Variants in LAPTM4B observed in about 807,000 individuals in gnomAD.
LAPTM4B encodes the protein lysosomal-associated transmembrane protein 4B.
LAPTM4B carries 26 observed loss-of-function variants against 28.5 expected under a neutral mutation model. The observed-to-expected ratio is 0.91, with a 90% CI of 0.67 to 1.27. LAPTM4B has a LOEUF of 1.27. Ranked by LOEUF, LAPTM4B falls within the 50% of genes most tolerant of loss-of-function variation. The pLI, the probability that LAPTM4B is intolerant of heterozygous loss-of-function variation, is 0.00. For synonymous variants in LAPTM4B, 109 were observed against 106.4 expected, an observed-to-expected ratio of 1.02 and a Z score of -0.15; for missense variants, 288 against 285.8, an observed-to-expected ratio of 1.01 and a Z score of -0.06.
chr8:97,818,570 C>G (rs868199031), intron 4 of LAPTM4B, among the ~76,000 whole-genome samples: 14 of 152,188 alleles, frequency 9.2e-5, no homozygotes, highest in South Asian at 4.1e-4. Flanking sequence ...TATTTCCCCC[C>G]ACCCTGGAAG....
chr8:97,823,889 G>A (rs927160724), intron 5 of LAPTM4B, among the ~76,000 whole-genome samples: 55 of 151,654 alleles, frequency 3.6e-4, no homozygotes, highest in African/African-American at 1.3e-3. Flanking sequence ...AGTAGAGATG[G>A]AGTTTCACTG....
chr8:97,841,528 A>G (rs1817349433), intron 6 of LAPTM4B, among the ~76,000 whole-genome samples: 1 of 152,206 alleles, frequency 6.6e-6, no homozygotes, highest in African/African-American at 2.4e-5. Flanking sequence ...GGGTTTCACC[A>G]TGTTGGCTAG....
intron 4 of LAPTM4B, among the ~76,000 whole-genome samples, chr8:97,817,708 C>T (rs1043972407): frequency 6.6e-6 from 1 of 151,932 alleles, no homozygotes; most frequent in Non-Finnish European, 1.5e-5. Context: ...CATCGGCCTC[C>T]CAGAGTGCTA....
At chr8:97,793,720 T>C (rs1183937073) in intron 1 of LAPTM4B, among the ~76,000 whole-genome samples, 1 of 152,140 alleles carries the variant, frequency 6.6e-6, no homozygotes, top group Non-Finnish European at 1.5e-5. Flanking sequence ...AATGTGAAAA[T>C]AATAATAAAA....
chr8:97,788,775 A>T (rs1291098213), intron 1 of LAPTM4B, among the ~76,000 whole-genome samples: 1 of 151,010 alleles, frequency 6.6e-6, no homozygotes. Context: ...GCTCACTGCA[A>T]CCTCCACCTC....
chr8:97,811,864 A>G (rs1393626355), intron 2 of LAPTM4B, among the ~76,000 whole-genome samples: 1 of 151,720 alleles, frequency 6.6e-6, no homozygotes, highest in African/African-American at 2.4e-5. Context: ...GGAGTACAGT[A>G]GCACAATCTT....
chr8:97,788,505 C>T, intron 1 of LAPTM4B: 1 of 185,668 alleles, frequency 5.4e-6, no homozygotes, highest in Non-Finnish European at 1.1e-5. Flanking sequence ...GCCTTGGCCT[C>T]CCAGAAGTGC....
At chr8:97,843,513 C>T (rs188172745) in intron 6 of LAPTM4B, among the ~76,000 whole-genome samples, 2 of 152,300 alleles carry the variant, frequency 1.3e-5, no homozygotes, top group East Asian at 1.9e-4. Context: ...CACAGTGGCT[C>T]ACACCTGTAA....
chr8:97,807,755 A>G (rs1311871886), intron 2 of LAPTM4B, among the ~76,000 whole-genome samples: 1 of 152,146 alleles, frequency 6.6e-6, no homozygotes, highest in East Asian at 1.9e-4. Context: ...AGGAGGAAGA[A>G]TGAGAGAGTA....
At chr8:97,835,893 G>T (rs1023909110) in intron 6 of LAPTM4B, among the ~76,000 whole-genome samples, 41 of 149,400 alleles carry the variant, frequency 2.7e-4, no homozygotes, top group South Asian at 8.4e-4. Context: ...GCGGGCGCGG[G>T]CAAGCAAGCA....
intron 1 of LAPTM4B, among the ~76,000 whole-genome samples, chr8:97,801,269 C>CCG (rs1217596739): frequency 1.3e-5 from 2 of 151,690 alleles, no homozygotes; most frequent in Non-Finnish European, 2.9e-5. Context: ...ATCTCCGCCC[C>CCG]CCACTGGGTT....
chr8:97,841,622 C>T (rs1219725470), intron 6 of LAPTM4B, among the ~76,000 whole-genome samples: 1 of 152,200 alleles, frequency 6.6e-6, no homozygotes, highest in Non-Finnish European at 1.5e-5. Context: ...GCCACTGCGA[C>T]CAGATATCTT....
chr8:97,824,211 A>G (rs2129811739), intron 5 of LAPTM4B, among the ~76,000 whole-genome samples: 1 of 152,208 alleles, frequency 6.6e-6, no homozygotes, highest in South Asian at 2.1e-4. Flanking sequence ...AATACCTAGG[A>G]GTGGAATTGC....
intron 1 of LAPTM4B, among the ~76,000 whole-genome samples, chr8:97,783,446 A>G (rs371353235): frequency 6.6e-6 from 1 of 152,198 alleles, no homozygotes; most frequent in African/African-American, 2.4e-5. Context: ...TCAAGATAGT[A>G]TTAGAGAAAC....
At chr8:97,839,360 A>AT (rs1037627564) in intron 6 of LAPTM4B, among the ~76,000 whole-genome samples, 2 of 151,710 alleles carry the variant, frequency 1.3e-5, no homozygotes, top group Admixed American at 6.6e-5. Flanking sequence ...TGCCTGGCTA[A>AT]TTTTGTATTT....
chr8:97,838,044 A>G (rs1444544207), intron 6 of LAPTM4B, among the ~76,000 whole-genome samples: 1 of 152,202 alleles, frequency 6.6e-6, no homozygotes, highest in Non-Finnish European at 1.5e-5. Context: ...GAGCACTAAG[A>G]GACTGTTTCC....
At chr8:97,777,208 A>G (rs1044187257) in intron 1 of LAPTM4B, among the ~76,000 whole-genome samples, 1 of 126,058 alleles carries the variant, frequency 7.9e-6, no homozygotes, top group African/African-American at 3.1e-5. Flanking sequence ...GTGCAATGGC[A>G]TGATCTCTGC....
chr8:97,798,385 A>G (rs939701387), intron 1 of LAPTM4B, among the ~76,000 whole-genome samples: 2 of 152,172 alleles, frequency 1.3e-5, no homozygotes, highest in Non-Finnish European at 2.9e-5. Flanking sequence ...TACAGTAGAT[A>G]TGTGGTGGTT....
intron 6 of LAPTM4B, among the ~76,000 whole-genome samples, chr8:97,839,135 C>T (rs1346823539): frequency 6.6e-6 from 1 of 152,194 alleles, no homozygotes; most frequent in African/African-American, 2.4e-5. Flanking sequence ...CAGTATGTGA[C>T]ATTAACTCGG....
Sources: allele counts gnomAD v4.1 joint callset (sites outside exome capture counted in the v4.1 genomes callset), GRCh38; gene constraint gnomAD v4.1.1; transcripts MANE v1.5; gene names NCBI Gene and HGNC (gene_info 2026-07-23, HGNC 2026-07-21).